NMRAL1: variants seen among roughly 807,000 people sequenced by gnomAD.
NMRAL1 encodes NmrA like redox sensor 1.
A neutral mutation model predicts 27.5 loss-of-function variants in NMRAL1; 32 were observed. The observed-to-expected ratio is 1.16, with a 90% CI of 0.88 to 1.56. NMRAL1 has a LOEUF of 1.56. Ranked by LOEUF, NMRAL1 falls within the 40% of genes most tolerant of loss-of-function variation. The probability of loss-of-function intolerance (pLI) is 0.00; values close to 1 mark genes in which losing one functional copy is unlikely to be tolerated. For missense variants in NMRAL1, 420 were observed against 392.0 expected (o/e 1.07, Z -0.60); for synonymous variants, 166 against 166.8 (o/e 1.00, Z 0.04).
chr16:4,472,066 C>A (rs921437339), intron 2 of NMRAL1, among the ~76,000 whole-genome samples: 2 of 146,834 alleles, frequency 1.4e-5, no homozygotes, highest in Non-Finnish European at 3.0e-5. Flanking sequence ...CAGAGCAAGA[C>A]CCTGACTCAG....
rs773418135 is a variant in NMRAL1 at position 4,469,310 on chromosome 16, C to G, written c.196G>C (p.Glu66Gln). ...QGDQDDQVIM[E>Q]LALNGAYATF... is the part of the protein sequence containing the mutation. ...GCGTAAGCCCCATTCAGGGCCAGCT[C>G]CATGATGACCTGGTCATCTTGGTCT... The change falls in exon 3 of 6, where the codon GAG becomes CAG. Residue 66 changes from glutamate (E) to glutamine (Q), a missense_variant. Transcript: ENST00000283429. The G allele has an allele frequency of 6.2e-7, 1 of 1,614,182 alleles. No homozygotes were observed.
chr16:4,471,948 A>G (rs958012390), intron 2 of NMRAL1, among the ~76,000 whole-genome samples: 1 of 152,004 alleles, frequency 6.6e-6, no homozygotes, highest in African/African-American at 2.4e-5. Flanking sequence ...GTTAGCGCTC[A>G]TCTGAAGTCC....
upstream of NMRAL1, chr16:4,476,290 T>G (rs1041026096): frequency 2.0e-5 from 3 of 152,302 alleles, no homozygotes; most frequent in Non-Finnish European, 4.4e-5. Flanking sequence ...GAAAGCCACA[T>G]ACTCCGCTTC....
chr16:4,466,230 C>A lies in NMRAL1; in HGVS notation c.452G>T (p.Arg151Leu). ...RDIGVPMTSV[R>L]LPCYFENLLS... is the part of the protein sequence containing the mutation. Reference sequence around the variant, plus strand: ...GAGGTTCTCAAAATAGCAGGGCAGCCGCACACTGGTCATGGGAACGCCAAT... The same window carrying A: ...GAGGTTCTCAAAATAGCAGGGCAGCAGCACACTGGTCATGGGAACGCCAAT... The change falls in exon 4 of 6, where the codon CGG (arginine) becomes CTG (leucine). Residue 151 changes from arginine (R) to leucine (L), a missense_variant. By Grantham distance (102) the Arg-to-Leu change is moderately radical. Coordinates refer to ENST00000283429, the MANE Select transcript of NMRAL1 (RefSeq NM_020677.6). 1 of 1,614,138 alleles carries A rather than the reference C, an allele frequency of 6.2e-7. No homozygotes were observed. Among genetic ancestry groups the A allele is most frequent in the African/African-American group, 1.3e-5 (1 of 75,046 alleles).
chr16:4,470,161 CA>C (rs34104543), intron 2 of NMRAL1, among the ~76,000 whole-genome samples: 2,700 of 51,304 alleles, frequency 0.053, 8 homozygotes, highest in Non-Finnish European at 0.073. Flanking sequence ...GATTCCCTCT[CA>C]AAAAAAAAAA....
Position 4,461,846 on chromosome 16 carries a change from G to C in NMRAL1, c.834C>G (p.Leu278=). ...PDRDIELTLR[L]NPKALTLDQW... ...GGTCCAGCGTCAGGGCCTTGGGGTTGAGTCTCAGGGTCAGCTCGATGTCAC... is the reference window on the plus strand; with the variant it reads ...GGTCCAGCGTCAGGGCCTTGGGGTTCAGTCTCAGGGTCAGCTCGATGTCAC... The change falls in exon 6 of 6, where the codon CTC becomes CTG. Residue 278 remains leucine (L), a synonymous_variant. Coordinates refer to ENST00000283429, the MANE Select transcript of NMRAL1 (RefSeq NM_020677.6). 2 of 1,614,234 alleles carry C rather than the reference G, an allele frequency of 1.2e-6. No homozygotes were observed. The highest frequency in any genetic ancestry group is 1.7e-6 in the Non-Finnish European group (2 of 1,180,036).
At chr16:4,475,154 G>C (rs1314096888), upstream of NMRAL1, among the ~76,000 whole-genome samples, 10 of 151,060 alleles carry the variant, frequency 6.6e-5, no homozygotes, top group Non-Finnish European at 1.3e-4. Flanking sequence ...GGTTTCACCA[G>C]GTTGACCAGG....
At chr16:4,465,149 T>G (rs1596386143) in intron 4 of NMRAL1, among the ~76,000 whole-genome samples, 1 of 152,112 alleles carries the variant, frequency 6.6e-6, no homozygotes, top group South Asian at 2.1e-4. Context: ...CCTGAACTGG[T>G]GGTCTGCCCA....
At chr16:4,473,950 T>C (rs1415769240) in intron 2 of NMRAL1, 143 bp downstream of exon 2, 3 of 605,456 alleles carry the variant, frequency 5.0e-6, no homozygotes, top group Non-Finnish European at 8.8e-6. Flanking sequence ...GGAAAGCAAT[T>C]TGGGCCTCGT....
Position 4,461,829 on chromosome 16 carries a change from G to T in NMRAL1, c.851C>A (p.Thr284Lys), listed in dbSNP as rs774591050. ...GTGCTGTTCCAGCCACTGGTCCAGC[G>T]TCAGGGCCTTGGGGTTGAGTCTCAG... ...LTLRLNPKAL[T>K]LDQWLEQHKG... The change falls in exon 6 of 6, where the codon ACG becomes AAG. Residue 284 changes from threonine to lysine, a missense_variant. Coordinates refer to ENST00000283429, the MANE Select transcript of NMRAL1 (RefSeq NM_020677.6). The T allele has an allele frequency of 5.6e-6, 9 of 1,614,086 alleles. No individual in the cohort carries two copies. The highest frequency in any genetic ancestry group is 1.1e-5 in the South Asian group (1 of 91,086).
Position 4,463,641 on chromosome 16 carries a change from C to T in NMRAL1, c.720+19G>A, listed in dbSNP as rs1367774461. The T allele has an allele frequency of 2.5e-6, 4 of 1,611,232 alleles. No individual in the cohort carries two copies. Among genetic ancestry groups the T allele is most frequent in the Non-Finnish European group, 3.4e-6 (4 of 1,179,618 alleles). ...AGCCCTGACAAGGATGCCTGAGTCACCTGGGGCGGGAGGCCCACCTTGGCA... is the reference window on the plus strand; with the variant it reads ...AGCCCTGACAAGGATGCCTGAGTCATCTGGGGCGGGAGGCCCACCTTGGCA... On this transcript the variant is annotated intron_variant, in intron 5 of 5. Transcript: ENST00000283429.
At chr16:4,475,059 C>G (rs375911986), upstream of NMRAL1, among the ~76,000 whole-genome samples, 6 of 152,124 alleles carry the variant, frequency 3.9e-5, no homozygotes, top group African/African-American at 1.4e-4. Flanking sequence ...TCAAGAGATT[C>G]TCCTGCCTCA....
intron 2 of NMRAL1, among the ~76,000 whole-genome samples, chr16:4,473,622 AT>A (rs903989108): frequency 6.6e-6 from 1 of 151,166 alleles, no homozygotes; most frequent in African/African-American, 2.4e-5. Context: ...TAAGTAACTC[AT>A]TTTTTTTTAA....
intron 1 of NMRAL1, 113 bp downstream of exon 1, chr16:4,474,441 G>C: frequency 2.5e-6 from 1 of 405,050 alleles, no homozygotes; most frequent in South Asian, 3.1e-5. Context: ...CGCGGCCTGG[G>C]CGGGACAAGT....
chr16:4,470,820 G>A lies in NMRAL1; in HGVS notation c.41-1355C>T, dbSNP rs191682906. Among the ~76,000 whole-genome samples the A allele has an allele frequency of 3.4e-3, 516 of 151,958 alleles. 4 individuals are homozygous for A. The highest frequency in any genetic ancestry group is 4.0e-3 in the Non-Finnish European group (274 of 67,964). ...AACTTAGCCGGGCGTGGTGGCGGGC[G>A]CCTGTAGTCCCAGCTACTCGGGAGA... On this transcript the variant is annotated intron_variant, in intron 2 of 5. Transcript: ENST00000283429.
chr16:4,475,294 GTTTT>G (rs957453921), upstream of NMRAL1, among the ~76,000 whole-genome samples: 3 of 149,506 alleles, frequency 2.0e-5, no homozygotes, highest in African/African-American at 4.9e-5. Flanking sequence ...ACTGATTTCA[GTTTT>G]TTTTTGTTTT....
chr16:4,476,289 A>C (rs1402793615), upstream of NMRAL1: 1 of 152,286 alleles, frequency 6.6e-6, no homozygotes, highest in African/African-American at 2.4e-5. Flanking sequence ...GGAAAGCCAC[A>C]TACTCCGCTT....
intron 2 of NMRAL1, among the ~76,000 whole-genome samples, chr16:4,470,954 A>G (rs1567361561): frequency 6.6e-6 from 1 of 151,458 alleles, no homozygotes; most frequent in Non-Finnish European, 1.5e-5. Context: ...CTCAAAAAAA[A>G]AAAAAAATTA....
At chr16:4,475,186 A>G (rs1275697662), upstream of NMRAL1, among the ~76,000 whole-genome samples, 3 of 151,536 alleles carry the variant, frequency 2.0e-5, no homozygotes, top group Admixed American at 2.0e-4. Flanking sequence ...CTCCTGACTT[A>G]AAGTGATCCA....
Sources: allele counts gnomAD v4.1 joint callset (sites outside exome capture counted in the v4.1 genomes callset), GRCh38; gene constraint gnomAD v4.1.1; transcripts MANE v1.5; gene names NCBI Gene and HGNC (gene_info 2026-07-23, HGNC 2026-07-21).